Variants in CLK4 observed in about 807,000 individuals in gnomAD.
CLK4 encodes dual specificity protein kinase CLK4.
In CLK4, 37 loss-of-function variants were observed where a neutral mutation model predicts 64.4. The ratio of observed to expected loss-of-function variants is 0.57; its 90% confidence interval spans 0.44 to 0.76. CLK4 has a LOEUF of 0.76. Ranked by LOEUF, CLK4 falls within the 30% of genes least tolerant of loss-of-function variation. The probability of loss-of-function intolerance (pLI) is 0.00; values close to 1 mark genes in which losing one functional copy is unlikely to be tolerated. For missense variants in CLK4, 457 were observed against 605.1 expected, an observed-to-expected ratio of 0.76 and a Z score of 2.57; for synonymous variants, 175 against 191.6, an observed-to-expected ratio of 0.91 and a Z score of 0.72.
At chr5:178,616,727 C>T (rs938084420) in intron 5 of CLK4, among the ~76,000 whole-genome samples, 155 bp downstream of exon 5, 1 of 152,082 alleles carries the variant, frequency 6.6e-6, no homozygotes, top group Non-Finnish European at 1.5e-5. Flanking sequence ...AGCCGGGAGG[C>T]GGCAGTTGCA....
Position 178,608,364 on chromosome 5 carries a change from C to T in CLK4, c.1134+12G>A. 3.9e-6 allele frequency: 6 copies of T among 1,544,904 alleles called. No individual in the cohort carries two copies. The highest frequency in any genetic ancestry group is 4.4e-6 in the Non-Finnish European group (5 of 1,137,776). On this transcript the variant is annotated intron_variant, in intron 10 of 12. Transcript: ENST00000316308. ...GTTATGAATTATTAAATGGAATTTA[C>T]TAGCCACGTACCTGAAAGACTGTGA... is the stretch of plus-strand genomic sequence containing the variant.
At chr5:178,625,627 T>C (rs998560892) in intron 1 of CLK4, among the ~76,000 whole-genome samples, 6 of 152,244 alleles carry the variant, frequency 3.9e-5, no homozygotes, top group African/African-American at 1.2e-4. Context: ...TTTCAAGACT[T>C]ATGTATCTTC....
rs560301009 is a variant in CLK4 at position 178,612,347 on chromosome 5, C to T, written c.1051+69G>A. 6 of 1,381,262 alleles carry T rather than the reference C, an allele frequency of 4.3e-6. No individual in the cohort carries two copies. The African/African-American group carries it at 7.3e-5, about 17-fold the overall frequency. 85.6% of individuals were successfully genotyped at this position (1,381,262 alleles called of 1,614,324 possible). A position where few individuals can be genotyped will look rare whatever the true frequency, so the allele number is the denominator to read the frequency against. ...GAGAAGATCATACTTCCCCACCCCA[C>T]CAGTAAAGCTGTAAAGAACAAAAAT... On this transcript the variant is annotated intron_variant, in intron 9 of 12. Coordinates refer to ENST00000316308, the MANE Select transcript of CLK4 (RefSeq NM_020666.3).
intron 3 of CLK4, 156 bp downstream of exon 3, chr5:178,618,400 G>A (rs963454260): frequency 7.8e-6 from 2 of 257,818 alleles, no homozygotes; most frequent in Non-Finnish European, 1.4e-5. Flanking sequence ...CAAGAATTTG[G>A]AGGTTTCCTT....
At chr5:178,625,989 G>T (rs1293345393) in intron 1 of CLK4, among the ~76,000 whole-genome samples, 1 of 152,142 alleles carries the variant, frequency 6.6e-6, no homozygotes, top group East Asian at 1.9e-4. Context: ...TGCTAGAGTA[G>T]GTATCTTTCA....
chr5:178,619,647 T>G (rs928129556), intron 2 of CLK4: 11 of 434,138 alleles, frequency 2.5e-5, no homozygotes, highest in African/African-American at 4.1e-5. Flanking sequence ...TGCTTTAATC[T>G]AGAGATCCCT....
intron 1 of CLK4, among the ~76,000 whole-genome samples, chr5:178,626,299 A>G (rs1764778546): frequency 1.3e-5 from 2 of 152,210 alleles, no homozygotes; most frequent in Admixed American, 6.5e-5. Flanking sequence ...GCAACCAGGG[A>G]TAATAAGATG....
intron 5 of CLK4, among the ~76,000 whole-genome samples, chr5:178,614,795 TAA>T (rs1298538134): frequency 2.0e-5 from 3 of 152,194 alleles, no homozygotes; most frequent in African/African-American, 4.8e-5. Context: ...TGTGAACTGA[TAA>T]GTCACTAAAA....
intron 2 of CLK4, chr5:178,622,610 G>GT (rs1210246496): frequency 1.8e-5 from 3 of 170,188 alleles, no homozygotes; most frequent in African/African-American, 7.2e-5. Context: ...TTGTACACTG[G>GT]TAAGAATACA....
At chr5:178,624,701 G>C (rs925517747) in intron 1 of CLK4, among the ~76,000 whole-genome samples, 1 of 152,130 alleles carries the variant, frequency 6.6e-6, no homozygotes, top group Admixed American at 6.5e-5. Context: ...ATTCAGCAAG[G>C]AGCTGAAAAA....
chr5:178,612,326 A>T, intron 9 of CLK4, 90 bp downstream of exon 9: 1 of 1,155,980 alleles, frequency 8.7e-7, no homozygotes. Flanking sequence ...CCTGCTGAGA[A>T]GATCATACTT....
At chr5:178,619,943 A>G in intron 2 of CLK4, 1 of 491,676 alleles carries the variant, frequency 2.0e-6, no homozygotes, top group South Asian at 1.5e-5. Context: ...ATCGGCTAAA[A>G]TAAGCCTAAC....
intron 10 of CLK4, 103 bp from the exon 11 acceptor site, chr5:178,605,485 T>C (rs1764454284): frequency 4.9e-6 from 3 of 606,594 alleles, no homozygotes; most frequent in Non-Finnish European, 8.0e-6. Flanking sequence ...TTGCACTTCT[T>C]ACACTGTTTA....
chr5:178,605,621 C>G (rs1241256736), intron 10 of CLK4, among the ~76,000 whole-genome samples: 1 of 152,206 alleles, frequency 6.6e-6, no homozygotes, highest in Non-Finnish European at 1.5e-5. Flanking sequence ...AGGCAACAGA[C>G]ATACATACAG....
chr5:178,607,963 T>C (rs183721347), intron 10 of CLK4, among the ~76,000 whole-genome samples: 27 of 152,336 alleles, frequency 1.8e-4, no homozygotes, highest in African/African-American at 6.3e-4. Context: ...TATAGATGCT[T>C]AATACTTAAG....
At chr5:178,616,475 C>A (rs934214323) in intron 5 of CLK4, among the ~76,000 whole-genome samples, 8 of 152,088 alleles carry the variant, frequency 5.3e-5, no homozygotes, top group Non-Finnish European at 1.2e-4. Context: ...AATTTACCCC[C>A]CAAAACACGT....
intron 2 of CLK4, chr5:178,620,562 GATTTA>G (rs1299054851): frequency 8.8e-6 from 4 of 452,338 alleles, no homozygotes; most frequent in South Asian, 6.3e-5. Context: ...TGAACAGACT[GATTTA>G]ATTTTTTAAA....
intron 9 of CLK4, among the ~76,000 whole-genome samples, chr5:178,608,791 CCATT>C (rs1764502660): frequency 6.6e-6 from 1 of 152,182 alleles, no homozygotes; most frequent in African/African-American, 2.4e-5. Flanking sequence ...GCTGTTAAAA[CCATT>C]ATTATGCTCA....
At chr5:178,612,213 C>G (rs925928356) in intron 9 of CLK4, among the ~76,000 whole-genome samples, 2 of 152,204 alleles carry the variant, frequency 1.3e-5, no homozygotes, top group African/African-American at 4.8e-5. Flanking sequence ...TAACCACCAC[C>G]TGGAATATCT....
Sources: allele counts gnomAD v4.1 joint callset (sites outside exome capture counted in the v4.1 genomes callset), GRCh38; gene constraint gnomAD v4.1.1; transcripts MANE v1.5; gene names NCBI Gene and HGNC (gene_info 2026-07-23, HGNC 2026-07-21).